Variants in PRSS23 observed in about 807,000 individuals in gnomAD.
PRSS23 encodes the protein protease, serine 23.
In PRSS23, 25 loss-of-function variants were observed where a neutral mutation model predicts 34.7. The observed-to-expected ratio is 0.72, with a 90% confidence interval of 0.53 to 1.01. The LOEUF is 1.01. Ranked by LOEUF, PRSS23 falls within the 50% of genes least tolerant of loss-of-function variation. The probability of loss-of-function intolerance (pLI) is 0.00; values close to 1 mark genes in which losing one functional copy is unlikely to be tolerated. For synonymous variants in PRSS23, 176 were observed against 186.6 expected, an observed-to-expected ratio of 0.94 and a Z score of 0.46; for missense variants, 445 against 475.6, an observed-to-expected ratio of 0.94 and a Z score of 0.60.
intron 2 of PRSS23, among the ~76,000 whole-genome samples, chr11:86,939,925 T>G (rs779659461): frequency 2.6e-5 from 4 of 152,144 alleles, no homozygotes; most frequent in Non-Finnish European, 4.4e-5. Flanking sequence ...TAGATCTGGT[T>G]AGGCAATTCA....
intron 1 of PRSS23, among the ~76,000 whole-genome samples, chr11:86,792,962 T>C (rs1947960417): frequency 6.6e-6 from 1 of 152,194 alleles, no homozygotes; most frequent in Non-Finnish European, 1.5e-5. Flanking sequence ...AACCTTGACC[T>C]CCCAGGCTCA....
At chr11:86,830,668 C>T (rs908294480) in intron 2 of PRSS23, among the ~76,000 whole-genome samples, 1 of 152,152 alleles carries the variant, frequency 6.6e-6, no homozygotes, top group Non-Finnish European at 1.5e-5. Flanking sequence ...AAGTGTTGCT[C>T]CTCATATCAC....
At chr11:86,922,406 C>T (rs1010545927) in intron 2 of PRSS23, among the ~76,000 whole-genome samples, 2 of 151,936 alleles carry the variant, frequency 1.3e-5, no homozygotes, top group Non-Finnish European at 1.5e-5. Context: ...GAGGCTGAGA[C>T]GGGAGGACTG....
chr11:86,948,601 G>C (rs1268630931), intron 2 of PRSS23: 2 of 152,138 alleles, frequency 1.3e-5, no homozygotes, highest in African/African-American at 2.4e-5. Flanking sequence ...GCCCTGAAAA[G>C]GCAAGAGATT....
At chr11:86,815,488 C>T (rs1948208905), downstream of PRSS23, among the ~76,000 whole-genome samples, 1 of 152,218 alleles carries the variant, frequency 6.6e-6, no homozygotes, top group African/African-American at 2.4e-5. Flanking sequence ...TAACCCAGAA[C>T]ATGATGACTT....
intron 2 of PRSS23, among the ~76,000 whole-genome samples, chr11:86,856,084 G>C (rs1289285602): frequency 6.6e-6 from 1 of 152,082 alleles, no homozygotes; most frequent in Admixed American, 6.5e-5. Context: ...CCCATTTTAT[G>C]TATGTACAAG....
Position 86,928,707 on chromosome 11 carries a change from T to TATATATATATATA in PRSS23, c.207-22509_207-22508insATATATATATATA, listed in dbSNP as rs59624601. Among the ~76,000 whole-genome samples, 448 of 65,870 alleles carry TATATATATATATA rather than the reference T, an allele frequency of 6.8e-3. 33 individuals carry two copies. The highest frequency in any genetic ancestry group is 7.3e-3 in the Non-Finnish European group (233 of 31,802). The allele number at this position is 65,870 out of a possible 152,430, so 43.2% of individuals were successfully genotyped here. On this transcript the variant is annotated intron_variant, in intron 2 of 2. Transcript: ENST00000533902. Reference sequence around the variant, plus strand: ...AAAAAAAAAAAAAAAAAAAAAAAAATTGGCAAGACATATACAGCATATAAT... The same window carrying TATATATATATATA: ...AAAAAAAAAAAAAAAAAAAAAAAAATATATATATATATATGGCAAGACATATACAGCATATAAT...
chr11:86,803,352 A>G (rs1948062393), intron 1 of PRSS23, among the ~76,000 whole-genome samples: 1 of 152,220 alleles, frequency 6.6e-6, no homozygotes, highest in Non-Finnish European at 1.5e-5. Flanking sequence ...TTACCTTTCC[A>G]GGTGTGGGAT....
In PRSS23 at chr11:86,928,707, T is replaced by TATATATATATATATATATA. The variant is rs59624601; in HGVS notation, c.207-22509_207-22508insATATATATATATATATATA. The stretch of plus-strand genomic sequence containing the variant: ...AAAAAAAAAAAAAAAAAAAAAAAAA[T>TATATATATATATATATATA]TGGCAAGACATATACAGCATATAAT... On this transcript the variant is annotated intron_variant, in intron 2 of 2. Coordinates refer to the PRSS23 transcript ENST00000533902. Among the ~76,000 whole-genome samples the TATATATATATATATATATA allele has an allele frequency of 5.6e-3, 368 of 65,828 alleles. 22 individuals carry two copies. The highest frequency in any genetic ancestry group is 6.8e-3 in the Non-Finnish European group (216 of 31,778). The allele number at this position is 65,828 out of a possible 152,430, so 43.2% of individuals were successfully genotyped here. A position where few individuals can be genotyped will look rare whatever the true frequency, so the allele number is the denominator to read the frequency against.
intron 2 of PRSS23, among the ~76,000 whole-genome samples, chr11:86,832,076 T>C (rs188201842): frequency 4.5e-4 from 68 of 152,154 alleles, no homozygotes; most frequent in Non-Finnish European, 7.7e-4. Flanking sequence ...ATGTATGCCA[T>C]GTATGTACAC....
intron 1 of PRSS23, chr11:86,821,503 A>T (rs746771564): frequency 1.9e-5 from 30 of 1,610,972 alleles, no homozygotes; most frequent in Non-Finnish European, 2.0e-5. Flanking sequence ...CTGCACAAAG[A>T]AAAATCCATT....
upstream of PRSS23, among the ~76,000 whole-genome samples, chr11:86,795,945 T>A (rs2186617): frequency 0.2 from 30,090 of 152,130 alleles, 3,221 homozygotes; most frequent in Middle Eastern, 0.24. Flanking sequence ...CACTAAAATT[T>A]AGTTGAGTTG....
intron 1 of PRSS23, 64 bp downstream of exon 1, chr11:86,800,715 C>A (rs1948025188): frequency 2.2e-6 from 2 of 914,548 alleles, no homozygotes; most frequent in Non-Finnish European, 2.6e-6. Context: ...CCGGGAGGAG[C>A]GGGACAAAGG....
At chr11:86,897,351 A>G (rs1771219589) in intron 2 of PRSS23, among the ~76,000 whole-genome samples, 1 of 150,364 alleles carries the variant, frequency 6.7e-6, no homozygotes, top group African/African-American at 2.5e-5. Context: ...AATCCTCCCA[A>G]CTTGGCCTAC....
At chr11:86,832,014 G>A (rs764372800) in intron 2 of PRSS23, among the ~76,000 whole-genome samples, 3 of 151,524 alleles carry the variant, frequency 2.0e-5, no homozygotes, top group Admixed American at 6.6e-5. Flanking sequence ...TGTAACTCCC[G>A]TGATATTACT....
At chr11:86,841,733 A>G (rs1257139204) in intron 2 of PRSS23, among the ~76,000 whole-genome samples, 2 of 152,220 alleles carry the variant, frequency 1.3e-5, no homozygotes, top group African/African-American at 4.8e-5. Context: ...GTAAACCAGG[A>G]GGAAGTTGAA....
intron 2 of PRSS23, among the ~76,000 whole-genome samples, chr11:86,882,308 T>C (rs1230614313): frequency 6.6e-6 from 1 of 152,144 alleles, no homozygotes; most frequent in East Asian, 1.9e-4. Context: ...ATCACCCAGG[T>C]ATTAAGTCTA....
At chr11:86,860,217 C>A (rs1263092701) in intron 2 of PRSS23, among the ~76,000 whole-genome samples, 2 of 152,094 alleles carry the variant, frequency 1.3e-5, no homozygotes, top group Admixed American at 1.3e-4. Flanking sequence ...GTGTTGTTCA[C>A]ACCCCCTGTG....
intron 2 of PRSS23, among the ~76,000 whole-genome samples, chr11:86,848,382 C>G (rs1467412586): frequency 1.3e-5 from 2 of 152,214 alleles, no homozygotes; most frequent in African/African-American, 4.8e-5. Flanking sequence ...CACAGGGGAA[C>G]AGGCAGTCCC....
Sources: gnomAD v4.1 joint callset for allele counts (sites outside exome capture counted in the v4.1 genomes callset) on GRCh38, gnomAD v4.1.1 for gene constraint, MANE v1.5 for transcripts, NCBI Gene and HGNC (gene_info 2026-07-23, HGNC 2026-07-21) for gene names.